SMC5: variants seen among roughly 807,000 people sequenced by gnomAD.
SMC5 encodes the protein structural maintenance of chromosomes 5.
In SMC5, 88 loss-of-function variants were observed where a neutral mutation model predicts 148.3. That is an observed-to-expected ratio of 0.59 (90% confidence interval 0.50 to 0.71). The LOEUF (loss-of-function observed/expected upper bound fraction) is 0.71. Ranked by LOEUF, SMC5 falls within the 30% of genes least tolerant of loss-of-function variation. The pLI, the probability that SMC5 is intolerant of heterozygous loss-of-function variation, is 0.00. For synonymous variants in SMC5, 421 were observed against 432.8 expected (o/e 0.97, Z 0.34); for missense variants, 1,142 against 1,298.9 (o/e 0.88, Z 1.86).
intron 17 of SMC5, among the ~76,000 whole-genome samples, chr9:70,342,155 C>T (rs1043749563): frequency 2.8e-4 from 42 of 149,790 alleles, no homozygotes; most frequent in Middle Eastern, 3.5e-3. Context: ...AACCAAACAC[C>T]GCATGTTCTC....
In SMC5 at chr9:70,274,744, G is replaced by A. The variant is rs181822247; in HGVS notation, c.381-2566G>A. 4.6e-5 allele frequency among the ~76,000 whole-genome samples: 7 copies of A among 151,910 alleles called. 1 individual carries two copies. Among genetic ancestry groups the A allele is most frequent in the Admixed American group, 3.9e-4 (6 of 15,252 alleles). ...TCCTTCTCTTTTGTCTTGGAAATTA[G>A]GCATTCTTTTAGTGGTTACTGGAAT... On this transcript the variant is annotated intron_variant, in intron 3 of 24. Transcript: ENST00000361138.
intron 7 of SMC5, 48 bp from the exon 8 acceptor site, chr9:70,286,152 T>A: frequency 8.0e-7 from 1 of 1,248,654 alleles, no homozygotes. Context: ...TTTGCTTGCA[T>A]GAGTTTTTAA....
intron 22 of SMC5, 102 bp downstream of exon 22, chr9:70,348,140 A>G: frequency 8.7e-7 from 1 of 1,155,756 alleles, no homozygotes; most frequent in Admixed American, 3.7e-5. Context: ...TATATCTGTG[A>G]AAAGTTTTGT....
At chr9:70,259,678 A>G (rs181225286) in intron 1 of SMC5, among the ~76,000 whole-genome samples, 30 of 152,252 alleles carry the variant, frequency 2.0e-4, no homozygotes, top group African/African-American at 7.0e-4. Flanking sequence ...TTCTTAGGGT[A>G]GGCATTTGCC....
intron 2 of SMC5, 108 bp downstream of exon 2, chr9:70,264,553 T>C: frequency 9.6e-7 from 1 of 1,038,548 alleles, no homozygotes; most frequent in Non-Finnish European, 1.4e-6. Context: ...TAATAGTGCA[T>C]GAATACAAGG....
At chr9:70,267,897 C>T (rs1449775382) in intron 2 of SMC5, 26 bp from the exon 3 acceptor site, 2 of 1,595,564 alleles carry the variant, frequency 1.3e-6, no homozygotes, top group Admixed American at 1.7e-5. Flanking sequence ...CACTACACAG[C>T]TCACTTTTTC....
intron 3 of SMC5, among the ~76,000 whole-genome samples, chr9:70,269,193 T>TA (rs2034377149): frequency 1.3e-5 from 2 of 152,204 alleles, no homozygotes; most frequent in Admixed American, 6.5e-5. Flanking sequence ...CCCAACTTAT[T>TA]AAAATATGAT....
chr9:70,346,847 A>C (rs2036677942), intron 19 of SMC5, among the ~76,000 whole-genome samples, 198 bp downstream of exon 19: 1 of 152,174 alleles, frequency 6.6e-6, no homozygotes, highest in South Asian at 2.1e-4. Flanking sequence ...ACTCAACATC[A>C]ATACATTGCC....
At chr9:70,313,022 G>A (rs1312713502) in intron 11 of SMC5, among the ~76,000 whole-genome samples, 2 of 152,094 alleles carry the variant, frequency 1.3e-5, no homozygotes, top group Non-Finnish European at 2.9e-5. Context: ...TCTTAGTATA[G>A]ACTTTTCTTC....
At chr9:70,328,564 AG>A (rs537176006) in intron 17 of SMC5, among the ~76,000 whole-genome samples, 208 of 152,318 alleles carry the variant, frequency 1.4e-3, no homozygotes, top group African/African-American at 3.6e-3. Flanking sequence ...GGCTTTGGGC[AG>A]CTCCACCCCT....
chr9:70,334,329 A>T (rs1220089977), intron 17 of SMC5, among the ~76,000 whole-genome samples: 1 of 152,206 alleles, frequency 6.6e-6, no homozygotes. Flanking sequence ...TGTAAGAGAA[A>T]ATCTTAGTTA....
chr9:70,272,582 A>G (rs1332793114), intron 3 of SMC5, among the ~76,000 whole-genome samples: 1 of 152,160 alleles, frequency 6.6e-6, no homozygotes, highest in Non-Finnish European at 1.5e-5. Flanking sequence ...TTCAGGTAGA[A>G]ATGTTTTTAG....
At position 70,352,237 on chromosome 9, in the gene SMC5, T is replaced by C; in HGVS notation, c.3212T>C (p.Val1071Ala). ...TCTGAAAAGATGACAGTTTTGTTTG[T>C]CTACAATGGCCCTCATATGCTGGAA... ...PYSEKMTVLF[V>A]YNGPHMLEPN... Residue 1071 changes from valine (V) to alanine (A), a missense_variant, in exon 25 of 25, where the codon GTC becomes GCC. Physicochemically the swap from Val to Ala is moderately conservative, Grantham distance 64. Around this residue, in one of 5 missense-constraint regions of SMC5, gnomAD observed 63 missense variants for 65.7 expected, o/e 0.96. Coordinates refer to ENST00000361138, the MANE Select transcript of SMC5 (RefSeq NM_015110.4). The C allele has an allele frequency of 6.2e-7, 1 of 1,612,798 alleles. No individual in the cohort carries two copies. Among genetic ancestry groups the C allele is most frequent in the Non-Finnish European group, 8.5e-7 (1 of 1,179,686 alleles).
intron 11 of SMC5, among the ~76,000 whole-genome samples, chr9:70,313,294 T>G (rs1348753405): frequency 6.6e-6 from 1 of 152,172 alleles, no homozygotes; most frequent in African/African-American, 2.4e-5. Flanking sequence ...TAATTCTCTT[T>G]ATTCTGTCTG....
At chr9:70,291,167 A>G (rs911573485) in intron 8 of SMC5, among the ~76,000 whole-genome samples, 4 of 152,180 alleles carry the variant, frequency 2.6e-5, no homozygotes, top group African/African-American at 9.7e-5. Flanking sequence ...ATATGTGGCT[A>G]TTGAAGTCAC....
At chr9:70,269,188 C>A (rs985100267) in intron 3 of SMC5, among the ~76,000 whole-genome samples, 6 of 152,100 alleles carry the variant, frequency 3.9e-5, no homozygotes, top group African/African-American at 1.4e-4. Context: ...AAATACCCAA[C>A]TTATTAAAAT....
chr9:70,346,036 A>G (rs1404103469), intron 18 of SMC5, among the ~76,000 whole-genome samples: 1 of 152,130 alleles, frequency 6.6e-6, no homozygotes, highest in Non-Finnish European at 1.5e-5. Context: ...CACCTGAACA[A>G]ATTACGATGC....
At chr9:70,266,988 G>T (rs978320162) in intron 2 of SMC5, among the ~76,000 whole-genome samples, 1 of 150,044 alleles carries the variant, frequency 6.7e-6, no homozygotes, top group Non-Finnish European at 1.5e-5. Context: ...GTTAAAACCT[G>T]TACTTTTAAG....
chr9:70,299,857 T>TA (rs2035311718), intron 9 of SMC5, among the ~76,000 whole-genome samples, 189 bp from the exon 10 acceptor site: 2 of 152,156 alleles, frequency 1.3e-5, no homozygotes, highest in Admixed American at 1.3e-4. Flanking sequence ...TTCAGGATCT[T>TA]ATGTTTTCCC....
Sources: allele counts gnomAD v4.1 joint callset (sites outside exome capture counted in the v4.1 genomes callset), GRCh38; gene constraint gnomAD v4.1.1; regional missense constraint gnomAD v4.1.1; transcripts MANE v1.5; gene names NCBI Gene and HGNC (gene_info 2026-07-23, HGNC 2026-07-21).